The following STK24 variants were observed in gnomAD, a reference collection of about 807,000 sequenced individuals.
STK24 encodes the protein serine/threonine kinase 24.
STK24 carries 21 observed loss-of-function variants against 55.6 expected under a neutral mutation model. The observed-to-expected ratio is 0.38, with a 90% CI of 0.27 to 0.54. STK24 has a LOEUF of 0.54. Ranked by LOEUF, STK24 falls within the 20% of genes least tolerant of loss-of-function variation. The pLI is 0.79. For missense variants in STK24, 383 were observed against 538.4 expected, an observed-to-expected ratio of 0.71 and a Z score of 2.86; for synonymous variants, 200 against 215.2, an observed-to-expected ratio of 0.93 and a Z score of 0.62.
intron 9 of STK24, among the ~76,000 whole-genome samples, chr13:98,459,063 A>G (rs1893589410): frequency 6.6e-6 from 1 of 152,180 alleles, no homozygotes; most frequent in Non-Finnish European, 1.5e-5. Context: ...GGGCCCAGTA[A>G]AAAAATAAAC....
intron 1 of STK24, among the ~76,000 whole-genome samples, chr13:98,571,376 C>T (rs909226435): frequency 2.6e-5 from 4 of 152,130 alleles, no homozygotes; most frequent in East Asian, 1.9e-4. Context: ...TGATGCCAGC[C>T]GCCACCTGCC....
chr13:98,465,529 C>T (rs1452480299), intron 6 of STK24, among the ~76,000 whole-genome samples: 6 of 152,240 alleles, frequency 3.9e-5, no homozygotes, highest in Admixed American at 1.3e-4. Flanking sequence ...CACCACCACC[C>T]GATGCTGATG....
chr13:98,546,128 C>G (rs1351229238), intron 1 of STK24, among the ~76,000 whole-genome samples: 1 of 152,220 alleles, frequency 6.6e-6, no homozygotes, highest in African/African-American at 2.4e-5. Flanking sequence ...GCACAGATGA[C>G]CGCTGCGGCA....
At chr13:98,473,382 A>G (rs1288744085) in intron 5 of STK24, among the ~76,000 whole-genome samples, 1 of 150,036 alleles carries the variant, frequency 6.7e-6, no homozygotes, top group Non-Finnish European at 1.5e-5. Flanking sequence ...AGGTGGTGTC[A>G]TCCAATGAGT....
Position 98,450,062 on chromosome 13 carries a change from T to G in STK24, c.*3111A>C, listed in dbSNP as rs1893114443. ...GAATGATTGATTGATTCCAAACTACTTGCTGGACACTGGTGGTTCTGACCT... is the reference window on the plus strand; with the variant it reads ...GAATGATTGATTGATTCCAAACTACGTGCTGGACACTGGTGGTTCTGACCT... On this transcript the variant is annotated 3_prime_UTR_variant, in exon 11 of 11. Coordinates refer to ENST00000539966, the MANE Select transcript of STK24 (RefSeq NM_001032296.4). 1 of 152,236 alleles carries G rather than the reference T, an allele frequency of 6.6e-6. No homozygotes were observed. Among genetic ancestry groups the G allele is most frequent in the East Asian group, 1.9e-4 (1 of 5,194 alleles). 9.4% of individuals were successfully genotyped at this position (152,236 alleles called of 1,614,324 possible). A position where few individuals can be genotyped will look rare whatever the true frequency, so the allele number is the denominator to read the frequency against.
intron 1 of STK24, among the ~76,000 whole-genome samples, chr13:98,565,033 C>T (rs1423249663): frequency 5.9e-5 from 9 of 152,204 alleles, no homozygotes; most frequent in Non-Finnish European, 1.0e-4. Context: ...GTTCCAAAGT[C>T]AGTCTTTGGA....
chr13:98,461,109 GA>G (rs1332746316), intron 8 of STK24, among the ~76,000 whole-genome samples: 2 of 151,588 alleles, frequency 1.3e-5, no homozygotes, highest in African/African-American at 2.4e-5. Flanking sequence ...CCTGGAAATA[GA>G]AATCAGGTCA....
intron 8 of STK24, 53 bp downstream of exon 8, chr13:98,461,721 C>T: frequency 6.3e-7 from 1 of 1,599,654 alleles, no homozygotes; most frequent in Non-Finnish European, 8.6e-7. Flanking sequence ...CAAGTGCCTC[C>T]AAAACACTGC....
intron 1 of STK24, among the ~76,000 whole-genome samples, chr13:98,524,257 C>T (rs540641959): frequency 6.6e-6 from 1 of 152,104 alleles, no homozygotes; most frequent in South Asian, 2.1e-4. Context: ...ACTTTGCCTG[C>T]TGCTCCCATA....
intron 1 of STK24, among the ~76,000 whole-genome samples, chr13:98,527,959 C>G (rs1434126382): frequency 1.3e-5 from 2 of 152,228 alleles, no homozygotes; most frequent in Admixed American, 1.3e-4. Flanking sequence ...GGGCCTGACT[C>G]AACGGCAGAA....
rs193005274 is a variant in STK24, at chr13:98,451,006, G to A, written c.*2167C>T. The stretch of plus-strand genomic sequence containing the variant: ...CCACTTGTTGCTCTACGGGGGAAGG[G>A]GCTGAGTATGATTTGTCTGGCGACT... On this transcript the variant is annotated 3_prime_UTR_variant, in exon 11 of 11. Transcript: ENST00000539966. 4 of 152,270 alleles carry A rather than the reference G, an allele frequency of 2.6e-5. No homozygotes were observed. Among genetic ancestry groups the A allele is most frequent in the Admixed American group, 6.5e-5 (1 of 15,286 alleles). The allele number at this position is 152,270 out of a possible 1,614,324, so 9.4% of individuals were successfully genotyped here. A position where few individuals can be genotyped will look rare whatever the true frequency, so the allele number is the denominator to read the frequency against.
intron 1 of STK24, among the ~76,000 whole-genome samples, chr13:98,524,673 TACA>T (rs900815974): frequency 7.2e-5 from 11 of 152,336 alleles, no homozygotes; most frequent in African/African-American, 2.4e-4. Context: ...TGGTTTCTTA[TACA>T]ACAACAGATA....
chr13:98,506,537 C>T (rs1250502638), intron 2 of STK24, among the ~76,000 whole-genome samples: 1 of 152,224 alleles, frequency 6.6e-6, no homozygotes, highest in Non-Finnish European at 1.5e-5. Context: ...CCCTGCCGAG[C>T]TCACAGGGCA....
intron 2 of STK24, among the ~76,000 whole-genome samples, chr13:98,499,961 T>C (rs1895389010): frequency 6.6e-6 from 1 of 152,190 alleles, no homozygotes; most frequent in Non-Finnish European, 1.5e-5. Context: ...AATCTCTCAA[T>C]CTGTTGCTGA....
intron 2 of STK24, among the ~76,000 whole-genome samples, chr13:98,513,058 C>T (rs561508192): frequency 1.3e-5 from 2 of 152,388 alleles, no homozygotes; most frequent in African/African-American, 2.4e-5. Flanking sequence ...AGAAAAGCAT[C>T]TCTGAGTTAT....
At chr13:98,544,258 G>C (rs1255050246) in intron 1 of STK24, among the ~76,000 whole-genome samples, 1 of 152,212 alleles carries the variant, frequency 6.6e-6, no homozygotes, top group African/African-American at 2.4e-5. Flanking sequence ...GGCCAGCACA[G>C]GGGCAGGAGG....
rs1271478554 is a variant in STK24, at chr13:98,507,895, C to T, written c.273+11348G>A. 5.9e-5 allele frequency among the ~76,000 whole-genome samples: 9 copies of T among 152,250 alleles called. No individual in the cohort carries two copies. The East Asian group carries it at 7.7e-4, about 13-fold the overall frequency. Reference sequence around the variant, plus strand: ...CCCAAAAGCCCATTGCAGATCTCTTCCCCCAACCCTAAAACCTCTATTCCA... The same window carrying T: ...CCCAAAAGCCCATTGCAGATCTCTTTCCCCAACCCTAAAACCTCTATTCCA... On this transcript the variant is annotated intron_variant, in intron 2 of 10. Transcript: ENST00000539966.
chr13:98,543,311 T>A (rs183060795), intron 1 of STK24, among the ~76,000 whole-genome samples: 26 of 152,214 alleles, frequency 1.7e-4, no homozygotes, highest in African/African-American at 6.0e-4. Flanking sequence ...GCTCTCTCAG[T>A]ACAACTCAAC....
intron 2 of STK24, among the ~76,000 whole-genome samples, chr13:98,500,874 C>T (rs1203555685): frequency 6.6e-6 from 1 of 152,144 alleles, no homozygotes; most frequent in Non-Finnish European, 1.5e-5. Flanking sequence ...GGGATGCTCA[C>T]ACTTTTTAAT....
Sources: gnomAD v4.1 joint callset for allele counts (sites outside exome capture counted in the v4.1 genomes callset) on GRCh38, gnomAD v4.1.1 for gene constraint, MANE v1.5 for transcripts, NCBI Gene and HGNC (gene_info 2026-07-23, HGNC 2026-07-21) for gene names.